IFNGR2: variants seen among roughly 807,000 people sequenced by gnomAD.
IFNGR2 encodes IFN-gamma receptor 2.
A neutral mutation model predicts 41.1 loss-of-function variants in IFNGR2; 15 were observed. That is an observed-to-expected ratio of 0.37 (90% confidence interval 0.24 to 0.56). The LOEUF is 0.56. Ranked by LOEUF, IFNGR2 falls within the 20% of genes least tolerant of loss-of-function variation. The probability of loss-of-function intolerance (pLI) is 0.81; values close to 1 mark genes in which losing one functional copy is unlikely to be tolerated. For missense variants in IFNGR2, 362 were observed against 415.7 expected (o/e 0.87, Z 1.12); for synonymous variants, 161 against 171.6 (o/e 0.94, Z 0.48).
intron 2 of IFNGR2, 145 bp from the exon 3 acceptor site, chr21:33,421,331 CAAAA>C (rs569309072): frequency 1.1e-3 from 496 of 460,500 alleles, no homozygotes; most frequent in East Asian, 1.5e-3. Flanking sequence ...AACTCCATCT[CAAAA>C]AAAAAAAAAA....
At chr21:33,424,766 CA>C (rs1040895088) in intron 3 of IFNGR2, among the ~76,000 whole-genome samples, 1 of 152,160 alleles carries the variant, frequency 6.6e-6, no homozygotes, top group Non-Finnish European at 1.5e-5. Flanking sequence ...TTTTTTGAGA[CA>C]GTCTCGCTCT....
intron 6 of IFNGR2, 149 bp downstream of exon 6, chr21:33,433,020 G>A: frequency 1.4e-6 from 1 of 706,418 alleles, no homozygotes. Context: ...TGAGTAGCTG[G>A]TATTACAAGT....
Position 33,414,971 on chromosome 21 carries a change from G to A in IFNGR2, c.157G>A (p.Ala53Thr). 6.2e-7 allele frequency: 1 copy of A among 1,614,154 alleles called. No individual in the cohort carries two copies. The highest frequency in any genetic ancestry group is 8.5e-7 in the Non-Finnish European group (1 of 1,180,028). ...GCAGGTCCTGAGTTGGGAGCCAGTGGCCCTGAGCAATAGCACGAGGCCTGT... is the reference window on the plus strand; with the variant it reads ...GCAGGTCCTGAGTTGGGAGCCAGTGACCCTGAGCAATAGCACGAGGCCTGT... Reference protein sequence around the residue: ...AEQVLSWEPVALSNSTRPVVY... With the variant: ...AEQVLSWEPVTLSNSTRPVVY... The change falls in exon 2 of 7, where the codon GCC becomes ACC. Residue 53 changes from alanine (A) to threonine (T), a missense_variant. Transcript: ENST00000290219.
At chr21:33,420,639 A>C (rs908746713) in intron 2 of IFNGR2, among the ~76,000 whole-genome samples, 2 of 152,246 alleles carry the variant, frequency 1.3e-5, no homozygotes, top group Non-Finnish European at 2.9e-5. Flanking sequence ...TATTAAAATC[A>C]GTTATGGGAT....
chr21:33,416,508 G>C (rs1321568673), intron 2 of IFNGR2, among the ~76,000 whole-genome samples: 2 of 152,126 alleles, frequency 1.3e-5, no homozygotes, highest in African/African-American at 4.8e-5. Context: ...GGCCGATCAT[G>C]GTGGCTCACA....
At chr21:33,416,219 C>G (rs1268686241) in intron 2 of IFNGR2, among the ~76,000 whole-genome samples, 1 of 152,044 alleles carries the variant, frequency 6.6e-6, no homozygotes, top group African/African-American at 2.4e-5. Flanking sequence ...AAAAGAGAGA[C>G]AAAAACTATA....
chr21:33,426,448 G>A (rs1214752542), intron 3 of IFNGR2, among the ~76,000 whole-genome samples: 1 of 151,902 alleles, frequency 6.6e-6, no homozygotes, highest in Admixed American at 6.6e-5. Flanking sequence ...GCCAGGCGCG[G>A]TGGCTCACAC....
At position 33,436,822 on chromosome 21, in the gene IFNGR2, C is replaced by T. The variant is rs2083958517; in HGVS notation, c.880-6C>T. On this transcript the variant is annotated splice_polypyrimidine_tract_variant and splice_region_variant and intron_variant, in intron 6 of 6. Coordinates refer to ENST00000290219, the MANE Select transcript of IFNGR2 (RefSeq NM_005534.4). Reference sequence around the variant, plus strand: ...AATTACAATTTTGCTTTCCAACCTCCTCAAGTATTTAAAAGACCCAACTCA... The same window carrying T: ...AATTACAATTTTGCTTTCCAACCTCTTCAAGTATTTAAAAGACCCAACTCA... 1 of 1,613,920 alleles carries T rather than the reference C, an allele frequency of 6.2e-7. No individual in the cohort carries two copies. The highest frequency in any genetic ancestry group is 1.3e-5 in the African/African-American group (1 of 75,042).
At chr21:33,432,053 T>TA (rs1437270613) in intron 4 of IFNGR2, 124 bp from the exon 5 acceptor site, 1 of 918,772 alleles carries the variant, frequency 1.1e-6, no homozygotes, top group Non-Finnish European at 1.8e-6. Flanking sequence ...AGTGACCCAC[T>TA]AAAAATGGCA....
At chr21:33,408,282 C>T (rs1383572360) in intron 1 of IFNGR2, among the ~76,000 whole-genome samples, 2 of 151,916 alleles carry the variant, frequency 1.3e-5, no homozygotes, top group African/African-American at 4.8e-5. Flanking sequence ...CTGCAACCTC[C>T]ACCTCCCGGG....
At chr21:33,409,132 G>A (rs568965846) in intron 1 of IFNGR2, among the ~76,000 whole-genome samples, 22 of 145,938 alleles carry the variant, frequency 1.5e-4, no homozygotes, top group African/African-American at 3.8e-4. Flanking sequence ...AGCCTAGATC[G>A]TGCCACTACA....
Position 33,437,064 on chromosome 21 carries a change from C to A in IFNGR2, c.*102C>A. The A allele has an allele frequency of 8.0e-7, 1 of 1,251,562 alleles. No homozygotes were observed. The highest frequency in any genetic ancestry group is 2.4e-4 in the Middle Eastern group (1 of 4,124). The allele number at this position is 1,251,562 out of a possible 1,614,324, so 77.5% of individuals were successfully genotyped here. A position where few individuals can be genotyped will look rare whatever the true frequency, so the allele number is the denominator to read the frequency against. On this transcript the variant is annotated 3_prime_UTR_variant, in exon 7 of 7. Coordinates refer to ENST00000290219, the MANE Select transcript of IFNGR2 (RefSeq NM_005534.4). Reference sequence around the variant, plus strand: ...TTCCAGAGACCAGTATTCCCTTTTGCTGCCTCTAAAAGGCCTGTCCCTGCA... The same window carrying A: ...TTCCAGAGACCAGTATTCCCTTTTGATGCCTCTAAAAGGCCTGTCCCTGCA...
intron 4 of IFNGR2, among the ~76,000 whole-genome samples, 162 bp downstream of exon 4, chr21:33,427,194 C>T (rs564243795): frequency 6.6e-6 from 1 of 152,284 alleles, no homozygotes; most frequent in Non-Finnish European, 1.5e-5. Context: ...CTCTTCAAGA[C>T]CTGTTTTTCC....
chr21:33,424,305 A>T lies in IFNGR2; in HGVS notation c.413-2579A>T, dbSNP rs148382345. ...GACAGAGCGAGGCTCTGTCATTTAA[A>T]AAAAAAAAGGAATGATACTTACCGC... On this transcript the variant is annotated intron_variant, in intron 3 of 6. Coordinates refer to ENST00000290219, the MANE Select transcript of IFNGR2 (RefSeq NM_005534.4). Among the ~76,000 whole-genome samples, 6 of 151,778 alleles carry T rather than the reference A, an allele frequency of 4.0e-5. No individual in the cohort carries two copies. In the East Asian group the frequency reaches 1.2e-3, roughly 29 times the overall value.
intron 5 of IFNGR2, 25 bp from the exon 6 acceptor site, chr21:33,432,689 G>C: frequency 6.2e-7 from 1 of 1,612,868 alleles, no homozygotes; most frequent in Non-Finnish European, 8.5e-7. Flanking sequence ...AGATCATTCT[G>C]TTCACTTTCG....
intron 6 of IFNGR2, among the ~76,000 whole-genome samples, chr21:33,436,625 G>C (rs2083954359): frequency 6.6e-6 from 1 of 151,816 alleles, no homozygotes; most frequent in South Asian, 2.1e-4. Flanking sequence ...GGAGGATTGA[G>C]GCAGGAGAAT....
At chr21:33,430,286 T>C (rs1428523791) in intron 4 of IFNGR2, among the ~76,000 whole-genome samples, 4 of 152,246 alleles carry the variant, frequency 2.6e-5, no homozygotes, top group African/African-American at 9.6e-5. Context: ...GGAATTCCAA[T>C]TGAATGCTGA....
At chr21:33,403,089 G>A (rs1272338530), upstream of IFNGR2, 2 of 149,802 alleles carry the variant, frequency 1.3e-5, no homozygotes, top group African/African-American at 5.0e-5. Context: ...CCCGAGAGGA[G>A]AGTTGGGGGG....
chr21:33,433,177 C>A (rs542070748), intron 6 of IFNGR2, among the ~76,000 whole-genome samples: 183 of 152,254 alleles, frequency 1.2e-3, no homozygotes, highest in African/African-American at 4.3e-3. Context: ...GGAGCCACTG[C>A]GCCCGGCCAC....
Sources: gnomAD v4.1 joint callset for allele counts (sites outside exome capture counted in the v4.1 genomes callset) on GRCh38, gnomAD v4.1.1 for gene constraint, MANE v1.5 for transcripts, NCBI Gene and HGNC (gene_info 2026-07-23, HGNC 2026-07-21) for gene names.